The following TUSC3 variants were observed in gnomAD, a reference collection of about 807,000 sequenced individuals.
TUSC3 encodes the protein tumor suppressor candidate 3, also known as dolichyl-diphosphooligosaccharide--protein glycosyltransferase subunit TUSC3.
A neutral mutation model predicts 44.8 loss-of-function variants in TUSC3; 45 were observed. The observed-to-expected ratio is 1.00, with a 90% CI of 0.79 to 1.29. The LOEUF (loss-of-function observed/expected upper bound fraction) is 1.29. TUSC3 is among the 50% of genes most tolerant of loss of function. The probability of loss-of-function intolerance (pLI) is 0.00; values close to 1 mark genes in which losing one functional copy is unlikely to be tolerated. For synonymous variants in TUSC3, 212 were observed against 152.9 expected, an observed-to-expected ratio of 1.39 and a Z score of -2.85; for missense variants, 519 against 437.9, an observed-to-expected ratio of 1.19 and a Z score of -1.65.
intron 6 of TUSC3, among the ~76,000 whole-genome samples, chr8:15,676,642 C>A (rs7459634): frequency 0.11 from 17,159 of 152,112 alleles, 1,984 homozygotes; most frequent in African/African-American, 0.29. Context: ...ATTGTCTCAA[C>A]TTTCAGGGCA....
At chr8:15,469,115 G>A (rs973428739) in intron 1 of TUSC3, among the ~76,000 whole-genome samples, 2 of 152,052 alleles carry the variant, frequency 1.3e-5, no homozygotes, top group Non-Finnish European at 2.9e-5. Context: ...CGATAATGAA[G>A]CAATTTGAAC....
intron 1 of TUSC3, among the ~76,000 whole-genome samples, chr8:15,477,504 C>T (rs945122764): frequency 3.9e-5 from 6 of 152,050 alleles, no homozygotes; most frequent in African/African-American, 1.2e-4. Context: ...AGGCAGATCA[C>T]GAGGTCAGGA....
At chr8:15,554,657 C>A (rs990605186) in intron 1 of TUSC3, among the ~76,000 whole-genome samples, 3 of 136,390 alleles carry the variant, frequency 2.2e-5, no homozygotes, top group Admixed American at 8.1e-5. Context: ...GGCTGGAGTG[C>A]AGTGGCGTGA....
At chr8:15,721,215 A>T (rs1479206998) in intron 6 of TUSC3, among the ~76,000 whole-genome samples, 1 of 152,096 alleles carries the variant, frequency 6.6e-6, no homozygotes, top group African/African-American at 2.4e-5. Context: ...TGGGGAAATC[A>T]TTCAATTTAT....
chr8:15,844,906 C>G, the TUSC3 span, among the ~76,000 whole-genome samples: 2 of 151,914 alleles, frequency 1.3e-5, no homozygotes, highest in South Asian at 2.1e-4. Context: ...CTGAGATGAT[C>G]GTGAGTGGTC....
chr8:15,583,514 A>G (rs990653042), intron 1 of TUSC3, among the ~76,000 whole-genome samples: 3 of 152,178 alleles, frequency 2.0e-5, no homozygotes, highest in Non-Finnish European at 2.9e-5. Context: ...AATGTGTTCT[A>G]TGGTTAAGGC....
chr8:15,607,777 AG>A (rs1437325286), intron 1 of TUSC3, among the ~76,000 whole-genome samples: 1 of 152,172 alleles, frequency 6.6e-6, no homozygotes, highest in East Asian at 1.9e-4. Flanking sequence ...TGTTTTAAGC[AG>A]CACTGTGTTT....
chr8:15,817,421 A>C, the TUSC3 span, among the ~76,000 whole-genome samples: 1 of 152,220 alleles, frequency 6.6e-6, no homozygotes, highest in South Asian at 2.1e-4. Context: ...AACATATAAA[A>C]CAAATGTGGT....
chr8:15,843,417 T>C, the TUSC3 span, among the ~76,000 whole-genome samples: 1 of 152,072 alleles, frequency 6.6e-6, no homozygotes, highest in Non-Finnish European at 1.5e-5. Flanking sequence ...ATTTAACTCT[T>C]CGATTTTTAA....
At chr8:15,816,537 T>TGAC in the TUSC3 span, among the ~76,000 whole-genome samples, 9 of 152,248 alleles carry the variant, frequency 5.9e-5, 1 homozygote, top group East Asian at 1.7e-3. Context: ...GTGGAAAGGG[T>TGAC]GACTCTTCTA....
chr8:15,507,129 G>C (rs927219390), intron 2 of TUSC3, among the ~76,000 whole-genome samples: 1 of 152,026 alleles, frequency 6.6e-6, no homozygotes, highest in African/African-American at 2.4e-5. Flanking sequence ...TTTTTGGCCA[G>C]CCTTCAGAGG....
the TUSC3 span, among the ~76,000 whole-genome samples, chr8:15,785,346 T>C: frequency 7.7e-4 from 118 of 152,312 alleles, no homozygotes; most frequent in East Asian, 0.014. Context: ...TAAGTCAAGA[T>C]AGAAATGATA....
At chr8:15,418,040 T>C (rs935415586) in intron 1 of TUSC3, among the ~76,000 whole-genome samples, 2 of 152,186 alleles carry the variant, frequency 1.3e-5, no homozygotes, top group East Asian at 1.9e-4. Context: ...TTCCGTTAGA[T>C]AGACAGTTAC....
At chr8:15,470,494 T>C (rs79967934) in intron 1 of TUSC3, among the ~76,000 whole-genome samples, 1,782 of 152,282 alleles carry the variant, frequency 0.012, 36 homozygotes, top group African/African-American at 0.04. Flanking sequence ...TTATAACATA[T>C]GTACCATTCT....
intron 2 of TUSC3, among the ~76,000 whole-genome samples, chr8:15,503,414 A>T (rs186901709): frequency 6.6e-6 from 1 of 152,080 alleles, no homozygotes; most frequent in South Asian, 2.1e-4. Flanking sequence ...AATACTTGAC[A>T]TACTTTTTTT....
At chr8:15,466,690 G>C (rs536677021) in intron 1 of TUSC3, among the ~76,000 whole-genome samples, 7 of 152,048 alleles carry the variant, frequency 4.6e-5, no homozygotes, top group South Asian at 4.1e-4. Context: ...TAAGGAAAAG[G>C]TTCTTTGAGA....
chr8:15,767,359 T>C (rs141809152), downstream of TUSC3, among the ~76,000 whole-genome samples: 71 of 151,860 alleles, frequency 4.7e-4, no homozygotes, highest in African/African-American at 1.6e-3. Context: ...TCTATTTCCA[T>C]TAAAAATTAT....
At chr8:15,752,505 CTAATAATTAT>C (rs1811750922) in intron 9 of TUSC3, among the ~76,000 whole-genome samples, 2 of 152,048 alleles carry the variant, frequency 1.3e-5, no homozygotes, top group Admixed American at 1.3e-4. Context: ...GTTTGCAAAA[CTAATAATTAT>C]TTTTCCAGAT....
intron 1 of TUSC3, among the ~76,000 whole-genome samples, chr8:15,451,589 C>T (rs1445042610): frequency 6.6e-6 from 1 of 152,174 alleles, no homozygotes; most frequent in Non-Finnish European, 1.5e-5. Flanking sequence ...TTTCCCTATA[C>T]CTTGCCAAAT....
Sources: gnomAD v4.1 joint callset for allele counts (sites outside exome capture counted in the v4.1 genomes callset) on GRCh38, gnomAD v4.1.1 for gene constraint, MANE v1.5 for transcripts, NCBI Gene and HGNC (gene_info 2026-07-23, HGNC 2026-07-21) for gene names.